SPTAN1: variants seen among roughly 807,000 people sequenced by gnomAD.
SPTAN1 encodes spectrin alpha, non-erythrocytic 1.
In SPTAN1, 61 loss-of-function variants were observed where a neutral mutation model predicts 331.3. That is an observed-to-expected ratio of 0.18 (90% CI 0.15 to 0.23). The LOEUF (loss-of-function observed/expected upper bound fraction) is 0.23, where lower values mean the gene tolerates loss of function less well. Among genes scored for constraint, SPTAN1 ranks in the 10% least tolerant of loss-of-function variants. The probability of loss-of-function intolerance (pLI) is 1.00; values close to 1 mark genes in which losing one functional copy is unlikely to be tolerated. For synonymous variants in SPTAN1, 1,153 were observed against 1,173.9 expected, an observed-to-expected ratio of 0.98 and a Z score of 0.36; for missense variants, 2,043 against 3,147.9, an observed-to-expected ratio of 0.65 and a Z score of 8.40.
chr9:128,574,365 T>A (rs1040514932), intron 3 of SPTAN1, among the ~76,000 whole-genome samples: 6 of 148,204 alleles, frequency 4.0e-5, no homozygotes, highest in Admixed American at 6.8e-5. Flanking sequence ...ATAAATGAAA[T>A]ATAAAGATAT....
Position 128,577,636 on chromosome 9 carries a change from C to T in SPTAN1, c.1085+130C>T. On this transcript the variant is annotated intron_variant, in intron 8 of 56. Coordinates refer to ENST00000372739, the MANE Select transcript of SPTAN1 (RefSeq NM_001130438.3). This position sits in a 1 kb window ranked among gnomAD's most constrained non-coding sequence, Gnocchi z 4.2. ...TATCACCTACAAATGCAAATCACTT[C>T]TTACCTATGTTCTCTCTGTTTGGAG... The T allele has an allele frequency of 8.1e-7, 1 of 1,229,534 alleles. No individual in the cohort carries two copies. Among genetic ancestry groups the T allele is most frequent in the Non-Finnish European group, 1.2e-6 (1 of 848,808 alleles). The allele number at this position is 1,229,534 out of a possible 1,614,324, so 76.2% of individuals were successfully genotyped here.
chr9:128,591,652 G>A (rs747909190), intron 22 of SPTAN1, 27 bp downstream of exon 22: 1 of 1,612,782 alleles, frequency 6.2e-7, no homozygotes, highest in East Asian at 2.2e-5. Context: ...GGGCCGCAAG[G>A]GCTAGGCGTC....
At chr9:128,626,129 C>A in intron 48 of SPTAN1, 151 bp downstream of exon 48, 1 of 1,068,014 alleles carries the variant, frequency 9.4e-7, no homozygotes, top group Non-Finnish European at 1.4e-6. Context: ...TCAATTAAAA[C>A]CAGGGCAAAT....
At position 128,627,326 on chromosome 9, in the gene SPTAN1, A is replaced by G; in HGVS notation, c.6577-60A>G. 1 of 1,446,224 alleles carries G rather than the reference A, an allele frequency of 6.9e-7. No individual in the cohort carries two copies. Among genetic ancestry groups the G allele is most frequent in the South Asian group, 1.2e-5 (1 of 81,504 alleles). The allele number at this position is 1,446,224 out of a possible 1,614,324, so 89.6% of individuals were successfully genotyped here. ...ACCACCACCCTGAGCCCATCTGTGA[A>G]GGAGGGGCTGGTGTCACTGCCACAG... On this transcript the variant is annotated intron_variant, in intron 49 of 56. Coordinates refer to ENST00000372739, the MANE Select transcript of SPTAN1 (RefSeq NM_001130438.3). The surrounding 1 kb of genome is among the most constrained non-coding windows in gnomAD (Gnocchi z 4.9).
Position 128,588,953 on chromosome 9 carries a change from A to G in SPTAN1, c.3006+10A>G. ...CAACAGCACCAACAAGGCAAGGCAC[A>G]GAGAGTGGCTGTGTGTTTGTTCCAC... On this transcript the variant is annotated intron_variant, in intron 21 of 56. Coordinates refer to ENST00000372739, the MANE Select transcript of SPTAN1 (RefSeq NM_001130438.3). 1 of 1,613,760 alleles carries G rather than the reference A, an allele frequency of 6.2e-7. No individual in the cohort carries two copies. Among genetic ancestry groups the G allele is most frequent in the Non-Finnish European group, 8.5e-7 (1 of 1,179,868 alleles).
chr9:128,562,990 GTGTA>G (rs1166068210), intron 1 of SPTAN1, among the ~76,000 whole-genome samples: 13 of 1,792 alleles, frequency 7.3e-3, no homozygotes, highest in Admixed American at 0.021. Context: ...ATACATGTAT[GTGTA>G]TATATATATA....
rs778399884 is a variant in SPTAN1 at position 128,578,092 on chromosome 9, T to A, written c.1086-18T>A. ...AACCTCCGCTGGAAACATAATGTCT[T>A]CCTTTGGTTTTCCCTAGGCTTCAAC... is the stretch of plus-strand genomic sequence containing the variant. On this transcript the variant is annotated intron_variant, in intron 8 of 56. Transcript: ENST00000372739. 41 of 1,613,930 alleles carry A rather than the reference T, an allele frequency of 2.5e-5. No homozygotes were observed. The African/African-American group carries it at 3.2e-4, about 13-fold the overall frequency.
chr9:128,584,055 A>G (rs2131155922), intron 16 of SPTAN1, 86 bp downstream of exon 16: 3 of 1,557,334 alleles, frequency 1.9e-6, no homozygotes, highest in Non-Finnish European at 2.6e-6. Flanking sequence ...GACTAAATGA[A>G]TTTTGGGAGG....
Position 128,627,625 on chromosome 9 carries a change from G to T in SPTAN1, c.6689+127G>T. 1.0e-6 allele frequency: 1 copy of T among 999,194 alleles called. No individual in the cohort carries two copies. The highest frequency in any genetic ancestry group is 1.5e-6 in the Non-Finnish European group (1 of 649,488). 61.9% of individuals were successfully genotyped at this position (999,194 alleles called of 1,614,324 possible). ...CAGAGGCAGCCTGGGAATAAAGCTG[G>T]GCTGGCAACGCCTGGTCGGGCTCTG... On this transcript the variant is annotated intron_variant, in intron 50 of 56. Transcript: ENST00000372739. The surrounding 1 kb of genome is among the most constrained non-coding windows in gnomAD (Gnocchi z 4.9).
chr9:128,607,901 A>G lies in SPTAN1; in HGVS notation c.4196A>G (p.Glu1399Gly), dbSNP rs1200125773. 6.2e-7 allele frequency: 1 copy of G among 1,614,014 alleles called. No individual in the cohort carries two copies. ...DARAGTFQAF[E>G]QFGQQLLAHG... ...AGGGCTGGCACTTTCCAGGCATTTG[A>G]GCAGTTTGGACAGCAGCTGTTGGCT... Residue 1399 changes from glutamate (E) to glycine (G), a missense_variant, in exon 33 of 57, where the codon GAG (glutamate) becomes GGG (glycine). By Grantham distance (98) the Glu-to-Gly change is moderately conservative. Transcript: ENST00000372739.
At chr9:128,593,982 A>G (rs1853881861) in intron 23 of SPTAN1, 193 bp from the exon 24 acceptor site, 2 of 647,900 alleles carry the variant, frequency 3.1e-6, no homozygotes, top group African/African-American at 1.8e-5. Context: ...CAGTGTGCGC[A>G]TATCTCTCAG....
chr9:128,553,714 G>C (rs1044433693), intron 1 of SPTAN1, among the ~76,000 whole-genome samples: 2 of 152,180 alleles, frequency 1.3e-5, no homozygotes, highest in Non-Finnish European at 2.9e-5. Flanking sequence ...CATCTAATCA[G>C]ATCTCTTTTA....
chr9:128,617,844 C>T (rs1857365819), intron 42 of SPTAN1, 84 bp downstream of exon 42: 3 of 1,611,828 alleles, frequency 1.9e-6, no homozygotes, highest in Non-Finnish European at 2.5e-6. Context: ...GCTTATTTCA[C>T]TGAGGTCCCT....
In SPTAN1 at chr9:128,582,834, A is replaced by G. The variant is rs1344238388; in HGVS notation, c.1791A>G (p.Thr597=). Residue 597 remains threonine, a synonymous_variant, in exon 14 of 57, where the codon ACA becomes ACG. Coordinates refer to ENST00000372739, the MANE Select transcript of SPTAN1 (RefSeq NM_001130438.3). ...SWVNEKMKTA[T]DEAYKDPSNL... is the part of the protein sequence containing the mutation. ...TCAATGAGAAGATGAAAACTGCCAC[A>G]GATGAAGCTTATAAAGTAATGTACT... is the stretch of plus-strand genomic sequence containing the variant. 5 of 1,613,206 alleles carry G rather than the reference A, an allele frequency of 3.1e-6. No homozygotes were observed. In the South Asian group the frequency reaches 5.5e-5, roughly 18 times the overall value.
In SPTAN1 at chr9:128,582,542, A is replaced by C; in HGVS notation, c.1636A>C (p.Thr546Pro). Residue 546 changes from threonine to proline, a missense_variant, in exon 13 of 57, where the codon ACT (threonine) becomes CCT (proline). Physicochemically the swap from Thr to Pro is conservative, Grantham distance 38. Coordinates refer to ENST00000372739, the MANE Select transcript of SPTAN1 (RefSeq NM_001130438.3). ...CCACTATGCAATGGAAGATGTGGCCACTCGCCGAGATGCTGTAAGTTTGTA... is the reference window on the plus strand; with the variant it reads ...CCACTATGCAATGGAAGATGTGGCCCCTCGCCGAGATGCTGTAAGTTTGTA... ...NNHYAMEDVATRRDALLSRRN... is the reference protein window; with the variant it reads ...NNHYAMEDVAPRRDALLSRRN... The C allele has an allele frequency of 6.2e-7, 1 of 1,613,906 alleles. No individual in the cohort carries two copies. Among genetic ancestry groups the C allele is most frequent in the Non-Finnish European group, 8.5e-7 (1 of 1,180,036 alleles).
At chr9:128,581,735 T>C (rs776004002) in intron 11 of SPTAN1, 47 bp from the exon 12 acceptor site, 2 of 1,462,190 alleles carry the variant, frequency 1.4e-6, no homozygotes, top group East Asian at 2.3e-5. Flanking sequence ...TCTTAGAAGA[T>C]CAAAGGAATA....
intron 11 of SPTAN1, among the ~76,000 whole-genome samples, 159 bp downstream of exon 11, chr9:128,581,218 C>T (rs747787899): frequency 6.6e-6 from 1 of 152,226 alleles, no homozygotes; most frequent in Non-Finnish European, 1.5e-5. Context: ...GCTCTGCCAG[C>T]ATCTCTCCCT....
At chr9:128,558,571 TGATA>T (rs1030607177) in intron 1 of SPTAN1, among the ~76,000 whole-genome samples, 2 of 152,350 alleles carry the variant, frequency 1.3e-5, no homozygotes, top group Non-Finnish European at 2.9e-5. Context: ...TTAGTGGAAC[TGATA>T]GATAGGCTGG....
chr9:128,632,315 C>G lies in SPTAN1; in HGVS notation c.6951C>G (p.Ile2317Met), dbSNP rs528967269. ...TGCAGCACAACCTGGAGCAGCAGAT[C>G]CAGGCCAGGTACCCGGGAGGGCTGT... Reference protein sequence around the residue: ...MRMQHNLEQQIQARNTTGVTE... With the variant: ...MRMQHNLEQQMQARNTTGVTE... Residue 2317 changes from isoleucine to methionine, a missense_variant, in exon 53 of 57, where the codon ATC becomes ATG. Around this residue, in one of 12 missense-constraint regions of SPTAN1, gnomAD observed 4 missense variants for 48.9 expected, o/e 0.08. Transcript: ENST00000372739. The G allele has an allele frequency of 6.2e-7, 1 of 1,613,392 alleles. No homozygotes were observed. The highest frequency in any genetic ancestry group is 8.5e-7 in the Non-Finnish European group (1 of 1,179,972).
Sources: allele counts gnomAD v4.1 joint callset (sites outside exome capture counted in the v4.1 genomes callset), GRCh38; gene constraint gnomAD v4.1.1; regional missense constraint gnomAD v4.1.1; non-coding constraint Gnocchi (gnomAD v3.1); transcripts MANE v1.5; gene names NCBI Gene and HGNC (gene_info 2026-07-23, HGNC 2026-07-21).